Variants in PPP6R3 observed in about 807,000 individuals in gnomAD.
The protein encoded by PPP6R3 is serine/threonine-protein phosphatase 6 regulatory subunit 3.
Under a neutral mutation model 110.7 loss-of-function variants are expected in PPP6R3, and 38 were observed. That is an observed-to-expected ratio of 0.34 (90% CI 0.26 to 0.45). The LOEUF (loss-of-function observed/expected upper bound fraction) is 0.45, where lower values mean the gene tolerates loss of function less well. Among genes scored for constraint, PPP6R3 ranks in the 20% least tolerant of loss-of-function variants. PPP6R3 has a pLI of 1.00. For synonymous variants in PPP6R3, 369 were observed against 373.5 expected (o/e 0.99, Z 0.14); for missense variants, 870 against 1,062.4 (o/e 0.82, Z 2.52).
chr11:68,594,664 G>T (rs1277903505), intron 18 of PPP6R3, among the ~76,000 whole-genome samples: 3 of 152,078 alleles, frequency 2.0e-5, no homozygotes, highest in African/African-American at 4.8e-5. Context: ...CTCCTCCCCA[G>T]GTTGAATCTA....
chr11:68,471,296 A>G (rs1441735680), intron 1 of PPP6R3, among the ~76,000 whole-genome samples: 2 of 151,672 alleles, frequency 1.3e-5, no homozygotes, highest in Non-Finnish European at 2.9e-5. Flanking sequence ...AAAAAAAAAA[A>G]AAAAGAAAAA....
Position 68,574,325 on chromosome 11 carries a change from G to C in PPP6R3, c.1459+101G>C. The C allele has an allele frequency of 3.4e-6, 3 of 880,636 alleles. No individual in the cohort carries two copies. In the South Asian group the frequency reaches 4.7e-5, roughly 14 times the overall value. The allele number at this position is 880,636 out of a possible 1,614,324, so 54.6% of individuals were successfully genotyped here. A position where few individuals can be genotyped will look rare whatever the true frequency, so the allele number is the denominator to read the frequency against. ...GTAGCATTTTTAATAGTGATTTGTG[G>C]GACTTCTTTATATTTGGCAAATTAT... On this transcript the variant is annotated intron_variant, in intron 13 of 23. Transcript: ENST00000393800.
intron 1 of PPP6R3, among the ~76,000 whole-genome samples, chr11:68,494,522 G>A (rs2153452742): frequency 6.6e-6 from 1 of 151,298 alleles, no homozygotes; most frequent in African/African-American, 2.4e-5. Context: ...AATTATTTGT[G>A]ATTTGTTTGG....
intron 1 of PPP6R3, among the ~76,000 whole-genome samples, chr11:68,465,978 T>C (rs144966593): frequency 4.7e-4 from 71 of 152,362 alleles, no homozygotes; most frequent in African/African-American, 1.6e-3. Context: ...CGTTTTGTAA[T>C]GACAGATAGC....
chr11:68,462,410 A>T (rs902105716), intron 1 of PPP6R3, among the ~76,000 whole-genome samples: 1 of 152,210 alleles, frequency 6.6e-6, no homozygotes, highest in Non-Finnish European at 1.5e-5. Context: ...GTAGCGCCTC[A>T]TAATGTTTAA....
intron 1 of PPP6R3, among the ~76,000 whole-genome samples, chr11:68,508,366 G>GTGATC (rs1196535732): frequency 2.0e-5 from 3 of 151,854 alleles, no homozygotes; most frequent in African/African-American, 7.3e-5. Flanking sequence ...TCCTGACCTC[G>GTGATC]TGATCCACCC....
chr11:68,600,017 G>A (rs2099626483), intron 19 of PPP6R3, among the ~76,000 whole-genome samples: 1 of 152,204 alleles, frequency 6.6e-6, no homozygotes, highest in Admixed American at 6.5e-5. Flanking sequence ...AGCTACTCAG[G>A]AGGCTGAGGC....
intron 2 of PPP6R3, among the ~76,000 whole-genome samples, chr11:68,533,460 C>T (rs985384311): frequency 6.6e-6 from 1 of 151,880 alleles, no homozygotes. Flanking sequence ...AACCTGTAAT[C>T]CCAGCACTTT....
chr11:68,471,429 GTGT>G (rs567637359), intron 1 of PPP6R3, among the ~76,000 whole-genome samples: 55 of 152,300 alleles, frequency 3.6e-4, no homozygotes, highest in Non-Finnish European at 6.2e-4. Context: ...CCTTAGGAAA[GTGT>G]TGTCACGGAG....
At chr11:68,559,852 A>G (rs1593144209) in intron 8 of PPP6R3, among the ~76,000 whole-genome samples, 2 of 112,142 alleles carry the variant, frequency 1.8e-5, no homozygotes, top group Non-Finnish European at 3.5e-5. Context: ...CCCTCTTCCC[A>G]CCCCAGCGGT....
At chr11:68,523,057 T>C (rs957413880) in intron 2 of PPP6R3, among the ~76,000 whole-genome samples, 3 of 152,234 alleles carry the variant, frequency 2.0e-5, no homozygotes, top group African/African-American at 4.8e-5. Flanking sequence ...CTTCTAATTA[T>C]GAAGAGGAGG....
At chr11:68,466,433 CT>C (rs906791744) in intron 1 of PPP6R3, among the ~76,000 whole-genome samples, 1,590 of 125,370 alleles carry the variant, frequency 0.013, 5 homozygotes, top group African/African-American at 0.022. Flanking sequence ...AGGACATTTT[CT>C]TTTTTTTTTT....
chr11:68,466,428 A>G (rs1591477387), intron 1 of PPP6R3, among the ~76,000 whole-genome samples: 1 of 136,066 alleles, frequency 7.3e-6, no homozygotes, highest in South Asian at 2.2e-4. Context: ...TAGCTAGGAC[A>G]TTTTCTTTTT....
At chr11:68,477,551 C>G (rs1240240620) in intron 1 of PPP6R3, among the ~76,000 whole-genome samples, 1 of 150,952 alleles carries the variant, frequency 6.6e-6, no homozygotes, top group Non-Finnish European at 1.5e-5. Context: ...ATAGGGAGAC[C>G]CCATCTCTAC....
intron 1 of PPP6R3, among the ~76,000 whole-genome samples, chr11:68,489,472 C>T (rs1028345147): frequency 1.2e-4 from 18 of 152,120 alleles, no homozygotes; most frequent in Admixed American, 1.0e-3. Context: ...TCAAATAACA[C>T]TACAGAGGTA....
At chr11:68,525,356 A>G (rs2099191144) in intron 2 of PPP6R3, among the ~76,000 whole-genome samples, 1 of 152,200 alleles carries the variant, frequency 6.6e-6, no homozygotes. Context: ...TGATTGTGGA[A>G]TAGCTAGGAG....
At chr11:68,470,935 T>C (rs767851831) in intron 1 of PPP6R3, among the ~76,000 whole-genome samples, 8 of 152,054 alleles carry the variant, frequency 5.3e-5, no homozygotes, top group Admixed American at 2.6e-4. Context: ...ATTGGAGATA[T>C]GCTGGATTGG....
At chr11:68,544,319 A>G (rs542374563) in intron 3 of PPP6R3, among the ~76,000 whole-genome samples, 1 of 152,318 alleles carries the variant, frequency 6.6e-6, no homozygotes, top group South Asian at 2.1e-4. Flanking sequence ...TACTCTCTTA[A>G]GATGTAATAT....
At chr11:68,604,543 G>C (rs951873509) in intron 22 of PPP6R3, among the ~76,000 whole-genome samples, 43 of 152,212 alleles carry the variant, frequency 2.8e-4, no homozygotes, top group African/African-American at 9.9e-4. Context: ...CACTGTGCTG[G>C]TGGCCTTAGC....
Sources: gnomAD v4.1 joint callset for allele counts (sites outside exome capture counted in the v4.1 genomes callset) on GRCh38, gnomAD v4.1.1 for gene constraint, MANE v1.5 for transcripts, NCBI Gene and HGNC (gene_info 2026-07-23, HGNC 2026-07-21) for gene names.